Variants in HDAC8 observed in about 807,000 individuals in gnomAD.
HDAC8 encodes histone deacetylase-like 1.
In HDAC8, 1 loss-of-function variant was observed where a neutral mutation model predicts 32.2. That is an observed-to-expected ratio of 0.03 (90% CI 0.01 to 0.15). HDAC8 has a LOEUF of 0.15. Among genes scored for constraint, HDAC8 ranks in the 10% least tolerant of loss-of-function variants. The probability of loss-of-function intolerance (pLI) is 1.00; values close to 1 mark genes in which losing one functional copy is unlikely to be tolerated. For synonymous variants in HDAC8, 108 were observed against 113.9 expected (o/e 0.95, Z 0.33); for missense variants, 117 against 300.0 (o/e 0.39, Z 4.51).
intron 9 of HDAC8, among the ~76,000 whole-genome samples, chrX:72,418,118 C>T (rs1388374620): frequency 9.0e-6 from 1 of 111,219 alleles, no homozygotes; most frequent in Non-Finnish European, 1.9e-5. Flanking sequence ...TAGAAGAGAA[C>T]CTAGAAAGTA....
chrX:72,547,679 C>T (rs2050905344), intron 4 of HDAC8, among the ~76,000 whole-genome samples: 1 of 111,287 alleles, frequency 9.0e-6, no homozygotes, highest in African/African-American at 3.3e-5. Context: ...TTGAACCCAA[C>T]TTGGTCACTT....
At chrX:72,550,526 C>CACAA (rs2147496097) in intron 4 of HDAC8, among the ~76,000 whole-genome samples, 1 of 110,846 alleles carries the variant, frequency 9.0e-6, no homozygotes, top group Admixed American at 9.7e-5. Flanking sequence ...CAAACACACA[C>CACAA]ACAAACACAT....
chrX:72,495,621 A>T (rs1416558877), intron 4 of HDAC8, among the ~76,000 whole-genome samples: 1 of 111,936 alleles, frequency 8.9e-6, no homozygotes, highest in African/African-American at 3.2e-5. Flanking sequence ...GAACACTGGT[A>T]ATCACTTACA....
Position 72,462,102 on chromosome X carries a change from T to C in HDAC8, c.911-4A>G. 1 of 1,185,650 alleles carries C rather than the reference T, an allele frequency of 8.4e-7. No individual in the cohort carries two copies. Among genetic ancestry groups the C allele is most frequent in the Non-Finnish European group, 1.1e-6 (1 of 873,057 alleles). On this transcript the variant is annotated splice_region_variant and splice_polypyrimidine_tract_variant and intron_variant, in intron 8 of 10. Transcript: ENST00000373573. ...GTGTTGGCAAGGTTATAGCCTCCTGTCTCCATCAAGAATTGTGAAGTTAGG... is the reference window on the plus strand; with the variant it reads ...GTGTTGGCAAGGTTATAGCCTCCTGCCTCCATCAAGAATTGTGAAGTTAGG...
chrX:72,480,933 T>C (rs1235634293), intron 7 of HDAC8, among the ~76,000 whole-genome samples: 1 of 110,219 alleles, frequency 9.1e-6, no homozygotes, highest in Admixed American at 9.7e-5. Context: ...GGGAGAGCCT[T>C]AGGACAAATA....
chrX:72,393,502 T>G (rs1044852247), intron 9 of HDAC8, among the ~76,000 whole-genome samples: 1 of 112,196 alleles, frequency 8.9e-6, no homozygotes, highest in African/African-American at 3.2e-5. Context: ...CTCAACTCGT[T>G]AAACCGTTTC....
chrX:72,520,447 A>G (rs782544989), intron 4 of HDAC8, among the ~76,000 whole-genome samples: 3 of 112,115 alleles, frequency 2.7e-5, no homozygotes, highest in African/African-American at 9.7e-5. Context: ...GAATAGTATG[A>G]CAAGCAATCA....
intron 9 of HDAC8, among the ~76,000 whole-genome samples, chrX:72,357,687 T>C (rs1385038212): frequency 9.0e-6 from 1 of 110,661 alleles, no homozygotes; most frequent in Non-Finnish European, 1.9e-5. Flanking sequence ...AGTCCCCACC[T>C]TATTCCCGTG....
At chrX:72,431,224 C>T (rs782259175) in intron 9 of HDAC8, among the ~76,000 whole-genome samples, 71 of 111,896 alleles carry the variant, frequency 6.3e-4, no homozygotes, top group Non-Finnish European at 5.1e-4. Context: ...CACCACCTCC[C>T]GCAACGTGCC....
chrX:72,428,766 G>A (rs1367478498), intron 9 of HDAC8, among the ~76,000 whole-genome samples: 1 of 111,750 alleles, frequency 8.9e-6, no homozygotes, highest in Non-Finnish European at 1.9e-5. Context: ...AAATGGAAAT[G>A]ACAAAGATCT....
intron 10 of HDAC8, among the ~76,000 whole-genome samples, chrX:72,337,576 C>A (rs782722188): frequency 7.4e-4 from 82 of 111,126 alleles, no homozygotes; most frequent in African/African-American, 2.6e-3. Context: ...TCCTTCACTG[C>A]TGTAACTGTA....
At chrX:72,340,235 T>G (rs998098272) in intron 10 of HDAC8, among the ~76,000 whole-genome samples, 16 of 111,530 alleles carry the variant, frequency 1.4e-4, no homozygotes, top group African/African-American at 5.2e-4. Context: ...GTGGGCTGCT[T>G]GCCTGCCAGC....
At chrX:72,564,114 C>T (rs1365296443) in intron 4 of HDAC8, among the ~76,000 whole-genome samples, 5 of 110,275 alleles carry the variant, frequency 4.5e-5, no homozygotes, top group Non-Finnish European at 9.5e-5. Flanking sequence ...GAGCCGAGAT[C>T]ACACCATTGC....
chrX:72,531,636 C>G (rs1171620368), intron 4 of HDAC8, among the ~76,000 whole-genome samples: 1 of 111,879 alleles, frequency 8.9e-6, no homozygotes, highest in Non-Finnish European at 1.9e-5. Context: ...CCTGAACCCC[C>G]CAAGGCTCTG....
chrX:72,433,358 T>C (rs1555978070), intron 9 of HDAC8, among the ~76,000 whole-genome samples: 1 of 112,042 alleles, frequency 8.9e-6, no homozygotes, highest in African/African-American at 3.3e-5. Context: ...AAGCCAATAG[T>C]GCTTGTGCTG....
intron 9 of HDAC8, among the ~76,000 whole-genome samples, chrX:72,440,890 C>A (rs11094259): frequency 0.085 from 9,530 of 112,582 alleles, 1,008 homozygotes; most frequent in East Asian, 0.74. Flanking sequence ...TATCCCGCAC[C>A]TGGCTTGGGG....
chrX:72,533,571 T>G (rs1556037296), intron 4 of HDAC8, among the ~76,000 whole-genome samples: 1 of 111,776 alleles, frequency 8.9e-6, no homozygotes, highest in African/African-American at 3.3e-5. Context: ...ATAAGAAAAC[T>G]ACAGACTAAC....
chrX:72,384,882 C>T (rs939906558), intron 9 of HDAC8, among the ~76,000 whole-genome samples: 5 of 111,706 alleles, frequency 4.5e-5, no homozygotes, highest in African/African-American at 6.5e-5. Context: ...ACATTGTACA[C>T]GGTGTCCTGT....
chrX:72,402,752 T>C (rs1185597426), intron 9 of HDAC8, among the ~76,000 whole-genome samples: 2 of 111,789 alleles, frequency 1.8e-5, no homozygotes, highest in East Asian at 5.6e-4. Flanking sequence ...CTGGAGAATG[T>C]AATATTCTGT....
Sources: allele counts gnomAD v4.1 joint callset (sites outside exome capture counted in the v4.1 genomes callset), GRCh38; gene constraint gnomAD v4.1.1; transcripts MANE v1.5; gene names NCBI Gene and HGNC (gene_info 2026-07-23, HGNC 2026-07-21).